The following NDST3 variants were observed in gnomAD, a reference collection of about 807,000 sequenced individuals.
NDST3 encodes N-deacetylase and N-sulfotransferase 3.
A neutral mutation model predicts 96.1 loss-of-function variants in NDST3; 58 were observed. The observed-to-expected ratio is 0.60, with a 90% CI of 0.49 to 0.75. NDST3 has a LOEUF of 0.75. Ranked by LOEUF, NDST3 falls within the 30% of genes least tolerant of loss-of-function variation. The pLI, the probability that NDST3 is intolerant of heterozygous loss-of-function variation, is 0.00. For missense variants in NDST3, 788 were observed against 1,034.2 expected, an observed-to-expected ratio of 0.76 and a Z score of 3.27; for synonymous variants, 333 against 359.7, an observed-to-expected ratio of 0.93 and a Z score of 0.84.
chr4:118,094,566 C>T (rs941337882), intron 2 of NDST3, among the ~76,000 whole-genome samples: 4 of 151,820 alleles, frequency 2.6e-5, no homozygotes, highest in African/African-American at 7.2e-5. Flanking sequence ...CCATAGAAGT[C>T]ATTATCTCTA....
chr4:118,066,432 C>CATATATTATATGTTATATATTATATATT lies in NDST3; in HGVS notation c.981+11547_981+11548insTATATGTTATATATTATATATTATATAT, dbSNP rs1726486833. ...ATATCATATGTTATATATTATATATCATATATCATATGTTATATATTATAT... is the reference window on the plus strand; with the variant it reads ...ATATCATATGTTATATATTATATATCATATATTATATGTTATATATTATATATTATATATCATATGTTATATATTATAT... On this transcript the variant is annotated intron_variant, in intron 2 of 13. Transcript: ENST00000296499. Among the ~76,000 whole-genome samples, 6 of 4,214 alleles carry CATATATTATATGTTATATATTATATATT rather than the reference C, an allele frequency of 1.4e-3. 3 individuals carry two copies. The Non-Finnish European group carries it at 0.041, about 28-fold the overall frequency. 2.8% of individuals were successfully genotyped at this position (4,214 alleles called of 152,430 possible). A position where few individuals can be genotyped will look rare whatever the true frequency, so the allele number is the denominator to read the frequency against.
At chr4:118,110,057 C>T (rs1218932705) in intron 3 of NDST3, among the ~76,000 whole-genome samples, 1 of 152,022 alleles carries the variant, frequency 6.6e-6, no homozygotes, top group African/African-American at 2.4e-5. Context: ...AACATAGAAA[C>T]TTAAAGGGGC....
chr4:118,239,292 T>G lies in NDST3; in HGVS notation c.2119-1232T>G, dbSNP rs188659367. On this transcript the variant is annotated intron_variant, in intron 10 of 13. Coordinates refer to ENST00000296499, the MANE Select transcript of NDST3 (RefSeq NM_004784.3). ...GAAGTTCACAAGAGGAAGAACAGAT[T>G]GTTGGAAAAGGTTTTGTGGCAGGAA... Among the ~76,000 whole-genome samples, 25 of 152,300 alleles carry G rather than the reference T, an allele frequency of 1.6e-4. 1 individual carries two copies. Among genetic ancestry groups the G allele is most frequent in the Admixed American group, 1.4e-3 (21 of 15,298 alleles).
intron 6 of NDST3, among the ~76,000 whole-genome samples, chr4:118,200,137 G>A (rs1737973621): frequency 6.6e-6 from 1 of 152,198 alleles, no homozygotes; most frequent in Admixed American, 6.5e-5. Context: ...AGGGTGATGA[G>A]TTTCTCCAAG....
intron 1 of NDST3, 24 bp from the exon 2 acceptor site, chr4:118,053,732 T>A: frequency 1.6e-6 from 1 of 633,590 alleles, no homozygotes. Context: ...AACTGACTGT[T>A]TTATATTCTT....
At position 118,240,758 on chromosome 4, in the gene NDST3, G is replaced by A. The variant is rs755961958; in HGVS notation, c.2289+64G>A. 1.5e-5 allele frequency: 22 copies of A among 1,448,038 alleles called. No homozygotes were observed. The Admixed American group carries it at 2.6e-4, about 17-fold the overall frequency. The allele number at this position is 1,448,038 out of a possible 1,614,324, so 89.7% of individuals were successfully genotyped here. A position where few individuals can be genotyped will look rare whatever the true frequency, so the allele number is the denominator to read the frequency against. On this transcript the variant is annotated intron_variant, in intron 11 of 13. Coordinates refer to ENST00000296499, the MANE Select transcript of NDST3 (RefSeq NM_004784.3). Reference sequence around the variant, plus strand: ...ATTAAGTTGATGACTTTGCCTTAAGGTTAAGAAAATTTTCAATTGTTAAAC... The same window carrying A: ...ATTAAGTTGATGACTTTGCCTTAAGATTAAGAAAATTTTCAATTGTTAAAC...
chr4:118,249,183 C>T (rs1324143608), intron 12 of NDST3, among the ~76,000 whole-genome samples: 1 of 152,170 alleles, frequency 6.6e-6, no homozygotes, highest in East Asian at 1.9e-4. Flanking sequence ...AAAACTTTCT[C>T]TCAGAAGACT....
Position 118,213,419 on chromosome 4 carries a change from A to C in NDST3, c.1540-11072A>C, listed in dbSNP as rs143519080. Reference sequence around the variant, plus strand: ...CCACTTCTAAAAATTTTTCCCAGGAATATAGTCAGATACCAACTAAGATGT... The same window carrying C: ...CCACTTCTAAAAATTTTTCCCAGGACTATAGTCAGATACCAACTAAGATGT... On this transcript the variant is annotated intron_variant, in intron 6 of 13. Coordinates refer to ENST00000296499, the MANE Select transcript of NDST3 (RefSeq NM_004784.3). Among the ~76,000 whole-genome samples, 788 of 152,306 alleles carry C rather than the reference A, an allele frequency of 5.2e-3. 5 individuals carry two copies. The highest frequency in any genetic ancestry group is 0.018 in the African/African-American group (747 of 41,560).
chr4:118,138,070 C>CGG lies in NDST3; in HGVS notation c.1242_1243dup (p.Asp415GlyfsTer42). 6.2e-7 allele frequency: 1 copy of CGG among 1,606,950 alleles called. No individual in the cohort carries two copies. Among genetic ancestry groups the CGG allele is most frequent in the Non-Finnish European group, 8.5e-7 (1 of 1,177,060 alleles). On this transcript the variant is annotated frameshift_variant, in exon 5 of 14. Coordinates refer to ENST00000296499, the MANE Select transcript of NDST3 (RefSeq NM_004784.3). LOFTEE classifies it high-confidence loss of function. ...TGGTCTTAGGAGCACGGCATTCCAACGGACATGGGCTACGCTGTGGCCCCT... is the reference window on the plus strand; with the variant it reads ...TGGTCTTAGGAGCACGGCATTCCAACGGGGACATGGGCTACGCTGTGGCCCCT...
At chr4:118,122,229 G>T (rs1393698188) in intron 4 of NDST3, among the ~76,000 whole-genome samples, 1 of 152,136 alleles carries the variant, frequency 6.6e-6, no homozygotes, top group African/African-American at 2.4e-5. Flanking sequence ...GTCAGATGTG[G>T]GTATGAGGGT....
At chr4:118,226,087 T>G (rs934019298) in intron 7 of NDST3, among the ~76,000 whole-genome samples, 2 of 152,138 alleles carry the variant, frequency 1.3e-5, no homozygotes, top group Non-Finnish European at 2.9e-5. Flanking sequence ...CTTATTTAAC[T>G]TCACATACCT....
chr4:118,118,922 A>G lies in NDST3; in HGVS notation c.1224+3962A>G, dbSNP rs182219406. 1.7e-3 allele frequency among the ~76,000 whole-genome samples: 252 copies of G among 152,334 alleles called. 1 individual carries two copies. The highest frequency in any genetic ancestry group is 2.7e-3 in the Non-Finnish European group (186 of 68,008). On this transcript the variant is annotated intron_variant, in intron 4 of 13. Transcript: ENST00000296499. ...AAGTCTTCAATAGTATATACTCTCA[A>G]TTGAAGAACTGTATCTAAATTTTGG... is the stretch of plus-strand genomic sequence containing the variant.
chr4:118,246,365 C>T (rs913189132), intron 12 of NDST3, among the ~76,000 whole-genome samples: 6 of 152,064 alleles, frequency 3.9e-5, no homozygotes, highest in African/African-American at 1.4e-4. Context: ...CAGCACTTTG[C>T]AAGGCCGTGG....
At chr4:118,057,992 C>A (rs769953685) in intron 2 of NDST3, among the ~76,000 whole-genome samples, 32 of 151,758 alleles carry the variant, frequency 2.1e-4, no homozygotes, top group Non-Finnish European at 2.9e-4. Flanking sequence ...GAAGAATAAT[C>A]AAAAATCATG....
At chr4:118,154,797 C>T (rs902545791) in intron 6 of NDST3, among the ~76,000 whole-genome samples, 1 of 152,180 alleles carries the variant, frequency 6.6e-6, no homozygotes, top group African/African-American at 2.4e-5. Context: ...CCCGCTACAA[C>T]ACACTGTTTC....
intron 6 of NDST3, among the ~76,000 whole-genome samples, chr4:118,160,602 C>A (rs571068714): frequency 6.6e-6 from 1 of 152,116 alleles, no homozygotes; most frequent in Non-Finnish European, 1.5e-5. Flanking sequence ...AAATGTAAAT[C>A]GCTTCATTTC....
intron 2 of NDST3, among the ~76,000 whole-genome samples, chr4:118,059,469 G>GA: frequency 6.6e-6 from 1 of 152,078 alleles, no homozygotes; most frequent in East Asian, 1.9e-4. Flanking sequence ...CTAGAGAAAA[G>GA]AAAGTGCTGA....
intron 4 of NDST3, among the ~76,000 whole-genome samples, chr4:118,125,544 CCTT>C (rs1345262202): frequency 6.6e-6 from 1 of 151,950 alleles, no homozygotes; most frequent in Admixed American, 6.6e-5. Flanking sequence ...ATTATTCCAT[CCTT>C]AAGTATGTAG....
intron 6 of NDST3, among the ~76,000 whole-genome samples, chr4:118,205,308 T>C (rs1309687162): frequency 6.9e-6 from 1 of 144,552 alleles, no homozygotes; most frequent in Non-Finnish European, 1.5e-5. Context: ...ATCATCTATT[T>C]ACAGAATGAT....
Sources: gnomAD v4.1 joint callset for allele counts (sites outside exome capture counted in the v4.1 genomes callset) on GRCh38, gnomAD v4.1.1 for gene constraint, MANE v1.5 for transcripts, NCBI Gene and HGNC (gene_info 2026-07-23, HGNC 2026-07-21) for gene names.